Variants in NKD2 observed in about 807,000 individuals in gnomAD.
NKD2 encodes the protein protein naked cuticle homolog 2.
In NKD2, 43 loss-of-function variants were observed where a neutral mutation model predicts 34.8. The ratio of observed to expected loss-of-function variants is 1.24; its 90% CI spans 0.97 to 1.60. The LOEUF (loss-of-function observed/expected upper bound fraction) is 1.60. NKD2 is among the 40% of genes most tolerant of loss of function. NKD2 has a pLI of 0.00. For missense variants in NKD2, 675 were observed against 627.1 expected (o/e 1.08, Z -0.82); for synonymous variants, 278 against 265.1 (o/e 1.05, Z -0.47).
At chr5:1,016,961 C>T (rs1222673199) in intron 3 of NKD2, among the ~76,000 whole-genome samples, 1 of 151,994 alleles carries the variant, frequency 6.6e-6, no homozygotes, top group African/African-American at 2.4e-5. Flanking sequence ...GAGCAGACCC[C>T]ATCCTCCTTC....
chr5:1,036,144 G>C (rs912011187), intron 8 of NKD2, 113 bp from the exon 9 acceptor site: 3 of 1,376,896 alleles, frequency 2.2e-6, no homozygotes, highest in Non-Finnish European at 2.8e-6. Context: ...CGAGGAGGTG[G>C]GTGCTGGTCA....
chr5:1,037,918 G>A lies in NKD2; in HGVS notation c.901G>A (p.Val301Met). 1 of 1,607,442 alleles carries A rather than the reference G, an allele frequency of 6.2e-7. No homozygotes were observed. Among genetic ancestry groups the A allele is most frequent in the Non-Finnish European group, 8.5e-7 (1 of 1,179,486 alleles). ...THAVHHRRSQ[V>M]LVEHVVPASE... ...TGCCGTACACCACCGCAGGTCACAG[G>A]TGCTGGTGGAACACGTCGTGCCAGC... The change falls in exon 10 of 10, where the codon GTG becomes ATG. Residue 301 changes from valine to methionine, a missense_variant. Transcript: ENST00000296849.
At position 1,017,060 on chromosome 5, in the gene NKD2, C is replaced by G. The variant is rs185373101; in HGVS notation, c.141+7500C>G. ...TCCTCGTCCTTCCCACAAAGGATAA[C>G]AGAGCCGACCTCATCCTCGTTCCCA... On this transcript the variant is annotated intron_variant, in intron 3 of 9. Coordinates refer to ENST00000296849, the MANE Select transcript of NKD2 (RefSeq NM_033120.4). Among the ~76,000 whole-genome samples, 680 of 152,336 alleles carry G rather than the reference C, an allele frequency of 4.5e-3. 6 individuals are homozygous for G. Among genetic ancestry groups the G allele is most frequent in the Non-Finnish European group, 7.0e-3 (474 of 68,022 alleles).
intron 8 of NKD2, 32 bp downstream of exon 8, chr5:1,035,505 C>T (rs956832160): frequency 6.6e-7 from 1 of 1,520,378 alleles, no homozygotes; most frequent in Non-Finnish European, 8.9e-7. Flanking sequence ...TGGGGCTGTG[C>T]CTTAGGCGGG....
chr5:1,019,567 G>A (rs538286780), intron 3 of NKD2, among the ~76,000 whole-genome samples: 29 of 152,162 alleles, frequency 1.9e-4, no homozygotes, highest in Non-Finnish European at 3.8e-4. Flanking sequence ...AGATTGTCGC[G>A]TGCAGGGCAT....
intron 5 of NKD2, 133 bp downstream of exon 5, chr5:1,033,632 C>A: frequency 9.0e-7 from 1 of 1,114,870 alleles, no homozygotes; most frequent in Non-Finnish European, 1.2e-6. Context: ...CAGTTCACCC[C>A]GTTTAAGGCA....
intron 8 of NKD2, chr5:1,035,745 C>T (rs1003737878): frequency 2.4e-4 from 122 of 508,192 alleles, no homozygotes; most frequent in Non-Finnish European, 3.8e-4. Flanking sequence ...TGCTGTGGCT[C>T]ACTGTGGCTC....
intron 8 of NKD2, 152 bp downstream of exon 8, chr5:1,035,625 G>T: frequency 1.6e-6 from 1 of 641,348 alleles, no homozygotes; most frequent in Non-Finnish European, 2.7e-6. Context: ...TGTGGGGCAT[G>T]GGCCCTTCCA....
At chr5:1,029,674 G>A (rs919464504) in intron 3 of NKD2, among the ~76,000 whole-genome samples, 1 of 152,154 alleles carries the variant, frequency 6.6e-6, no homozygotes, top group Non-Finnish European at 1.5e-5. Flanking sequence ...TCAGCAAATC[G>A]TGGGAAACAC....
intron 3 of NKD2, among the ~76,000 whole-genome samples, chr5:1,026,206 T>C (rs62330238): frequency 0.058 from 846 of 14,566 alleles, 60 homozygotes; most frequent in Middle Eastern, 0.12. Context: ...TGTGGGCGTC[T>C]CAGCCCATTG....
chr5:1,037,414 C>A, intron 9 of NKD2: 1 of 1,052,064 alleles, frequency 9.5e-7, no homozygotes, highest in Non-Finnish European at 1.4e-6. Context: ...AGGTGGCAGT[C>A]CTGAGTCCTT....
rs370276044 is a variant in NKD2, at chr5:1,037,827, G to T, written c.810G>T (p.Lys270Asn). The change falls in exon 10 of 10, where the codon AAG becomes AAT. Residue 270 changes from lysine (K) to asparagine (N), a missense_variant. By Grantham distance (94) the Lys-to-Asn change is moderately conservative. Transcript: ENST00000296849. ...FGPGSPPVQA[K>N]QEPQGRASHL... ...CAGGGTCCCCTCCTGTGCAAGCAAA[G>T]CAGGAGCCCCAGGGCAGGGCCTCGC... 21 of 1,580,968 alleles carry T rather than the reference G, an allele frequency of 1.3e-5. No homozygotes were observed. The highest frequency in any genetic ancestry group is 1.8e-5 in the Non-Finnish European group (21 of 1,167,506).
chr5:1,033,750 G>A (rs1246157978), intron 5 of NKD2, among the ~76,000 whole-genome samples: 6 of 152,244 alleles, frequency 3.9e-5, no homozygotes, highest in Non-Finnish European at 8.8e-5. Flanking sequence ...AATAACTTGA[G>A]CCGCATTCCC....
chr5:1,035,587 C>A, intron 8 of NKD2, 114 bp downstream of exon 8: 1 of 766,252 alleles, frequency 1.3e-6, no homozygotes. Flanking sequence ...TAGGTCAGAC[C>A]TGCAGGGGGC....
At chr5:1,015,870 T>C (rs1184958155) in intron 3 of NKD2, among the ~76,000 whole-genome samples, 1 of 152,198 alleles carries the variant, frequency 6.6e-6, no homozygotes, top group Non-Finnish European at 1.5e-5. Context: ...GGACTTGCCT[T>C]CCTGAACATG....
At chr5:1,028,615 G>A (rs1172117334) in intron 3 of NKD2, among the ~76,000 whole-genome samples, 1 of 152,170 alleles carries the variant, frequency 6.6e-6, no homozygotes, top group Non-Finnish European at 1.5e-5. Context: ...CAGGCCAGCC[G>A]TGGGGTCCCT....
At chr5:1,029,997 T>TGA (rs1756576053) in intron 3 of NKD2, among the ~76,000 whole-genome samples, 2 of 103,320 alleles carry the variant, frequency 1.9e-5, no homozygotes, top group South Asian at 5.1e-4. Context: ...ACTGGGTGCC[T>TGA]GAGGGGGGAT....
rs1733665571 is a variant in NKD2, at chr5:1,034,031, T to TC, written c.331-198dup. On this transcript the variant is annotated intron_variant, in intron 5 of 9. Transcript: ENST00000296849. ...CCGAATCACAGGGCACAAAGCTGGG[T>TC]CCCCCCAAGAAGGGCTGGAGCTGGG... The TC allele has an allele frequency of 5.1e-6, 3 of 591,468 alleles. No individual in the cohort carries two copies. In the Admixed American group the frequency reaches 9.3e-5, roughly 18 times the overall value. The allele number at this position is 591,468 out of a possible 1,614,324, so 36.6% of individuals were successfully genotyped here. A position where few individuals can be genotyped will look rare whatever the true frequency, so the allele number is the denominator to read the frequency against.
At position 1,036,500 on chromosome 5, in the gene NKD2, CCAACCCCCCCCACCCCA is replaced by C. The variant is rs1382061300; in HGVS notation, c.787+118_787+134del. ...CCTCCCTGCCCTGCCCCGCCCCCCC[CCAACCCCCCCCACCCCA>C]CCCCACCCAGGACGGCACCCAGGTC... On this transcript the variant is annotated intron_variant, in intron 9 of 9. Coordinates refer to ENST00000296849, the MANE Select transcript of NKD2 (RefSeq NM_033120.4). 34 of 521,562 alleles carry C rather than the reference CCAACCCCCCCCACCCCA, an allele frequency of 6.5e-5. No individual in the cohort carries two copies. The African/African-American group carries it at 1.0e-3, about 15-fold the overall frequency. The allele number at this position is 521,562 out of a possible 1,614,324, so 32.3% of individuals were successfully genotyped here. A position where few individuals can be genotyped will look rare whatever the true frequency, so the allele number is the denominator to read the frequency against.
Sources: allele counts gnomAD v4.1 joint callset (sites outside exome capture counted in the v4.1 genomes callset), GRCh38; gene constraint gnomAD v4.1.1; transcripts MANE v1.5; gene names NCBI Gene and HGNC (gene_info 2026-07-23, HGNC 2026-07-21).